CEACAM1: variants seen among roughly 807,000 people sequenced by gnomAD.
The protein encoded by CEACAM1 is CEA cell adhesion molecule 1.
A neutral mutation model predicts 49.1 loss-of-function variants in CEACAM1; 31 were observed. The ratio of observed to expected loss-of-function variants is 0.63; its 90% CI spans 0.47 to 0.85. The LOEUF (loss-of-function observed/expected upper bound fraction) is 0.85. Ranked by LOEUF, CEACAM1 falls within the 40% of genes least tolerant of loss-of-function variation. The pLI, the probability that CEACAM1 is intolerant of heterozygous loss-of-function variation, is 0.00. For missense variants in CEACAM1, 570 were observed against 645.3 expected (o/e 0.88, Z 1.26); for synonymous variants, 244 against 247.8 (o/e 0.98, Z 0.14).
intron 1 of CEACAM1, 57 bp downstream of exon 1, chr19:42,528,254 C>T (rs1265464448): frequency 6.6e-7 from 1 of 1,508,876 alleles, no homozygotes; most frequent in Non-Finnish European, 9.2e-7. Context: ...CCCAGAGGAC[C>T]CTAGCCATTC....
At chr19:42,520,237 C>T (rs1037663594) in intron 4 of CEACAM1, among the ~76,000 whole-genome samples, 3 of 152,260 alleles carry the variant, frequency 2.0e-5, no homozygotes, top group South Asian at 2.1e-4. Context: ...GTGGGTCACT[C>T]GCTGTGCTCT....
chr19:42,518,838 A>G (rs1030910132), intron 5 of CEACAM1, 110 bp downstream of exon 5: 12 of 1,266,140 alleles, frequency 9.5e-6, no homozygotes, highest in Admixed American at 1.7e-5. Flanking sequence ...TCTGTTTGCT[A>G]TAATGGTCTC....
At chr19:42,514,772 A>G (rs1480227165) in intron 5 of CEACAM1, among the ~76,000 whole-genome samples, 2 of 152,188 alleles carry the variant, frequency 1.3e-5, no homozygotes, top group African/African-American at 4.8e-5. Flanking sequence ...TTCCATTTTA[A>G]ACATGAAAAA....
chr19:42,510,994 G>T, intron 7 of CEACAM1, 74 bp from the exon 8 acceptor site: 1 of 1,416,478 alleles, frequency 7.1e-7, no homozygotes, highest in Non-Finnish European at 1.0e-6. Context: ...GCTGAAGGAG[G>T]TGGCAGTTGG....
Position 42,527,180 on chromosome 19 carries a change from G to A in CEACAM1, c.285C>T (p.Asn95=), listed in dbSNP as rs777289066. ...TGGGGTATATTGTCTCTCGACCGCT[G>A]TTTGCGGGCCCTGGGGTAGCTTGTT... ...GTQQATPGPA[N]SGRETIYPNA... Residue 95 remains asparagine, a synonymous_variant, in exon 2 of 9, where the codon AAC becomes AAT. Coordinates refer to ENST00000161559, the MANE Select transcript of CEACAM1 (RefSeq NM_001712.5). The A allele has an allele frequency of 6.2e-7, 1 of 1,614,178 alleles. No homozygotes were observed. Among genetic ancestry groups the A allele is most frequent in the East Asian group, 2.2e-5 (1 of 44,888 alleles).
Position 42,509,181 on chromosome 19 carries a change from G to C in CEACAM1, c.1509C>G (p.Pro503=). The change falls in exon 9 of 9, where the codon CCC becomes CCG. Residue 503 remains proline (P), a synonymous_variant. Coordinates refer to ENST00000161559, the MANE Select transcript of CEACAM1 (RefSeq NM_001712.5). ...YSTLNFEAQQ[P]TQPTSASPSL... ...ATGGGGAGGCTGAAGTTGGTTGTGTGGGTTGCTGGGCTTCAAAGTTCAGGG... is the reference window on the plus strand; with the variant it reads ...ATGGGGAGGCTGAAGTTGGTTGTGTCGGTTGCTGGGCTTCAAAGTTCAGGG... 1 of 1,613,898 alleles carries C rather than the reference G, an allele frequency of 6.2e-7. No individual in the cohort carries two copies. Among genetic ancestry groups the C allele is most frequent in the Non-Finnish European group, 8.5e-7 (1 of 1,179,854 alleles).
At position 42,528,297 on chromosome 19, in the gene CEACAM1, T is replaced by A. The variant is rs2041945209; in HGVS notation, c.64+14A>T. ...GCCCTCTTTCCGCCCCTTCCCAGGGTGTCCTCCCCTCACCTGTGAGCAGAA... is the reference window on the plus strand; with the variant it reads ...GCCCTCTTTCCGCCCCTTCCCAGGGAGTCCTCCCCTCACCTGTGAGCAGAA... On this transcript the variant is annotated intron_variant, in intron 1 of 8. Coordinates refer to ENST00000161559, the MANE Select transcript of CEACAM1 (RefSeq NM_001712.5). The A allele has an allele frequency of 3.1e-6, 5 of 1,611,164 alleles. No homozygotes were observed. The East Asian group carries it at 1.1e-4, about 36-fold the overall frequency.
At chr19:42,509,903 AG>A (rs775120030) in intron 8 of CEACAM1, among the ~76,000 whole-genome samples, 86 of 152,268 alleles carry the variant, frequency 5.6e-4, no homozygotes, top group African/African-American at 2.0e-3. Context: ...CTGGGATTAC[AG>A]GTGTGAGCCA....
chr19:42,527,186 G>C lies in CEACAM1; in HGVS notation c.279C>G (p.Pro93=). 1 of 1,614,140 alleles carries C rather than the reference G, an allele frequency of 6.2e-7. No individual in the cohort carries two copies. Among genetic ancestry groups the C allele is most frequent in the Non-Finnish European group, 8.5e-7 (1 of 1,180,028 alleles). ...AIGTQQATPG[P]ANSGRETIYP... ...ATATTGTCTCTCGACCGCTGTTTGC[G>C]GGCCCTGGGGTAGCTTGTTGAGTTC... Residue 93 remains proline (P), a synonymous_variant, in exon 2 of 9, where the codon CCC becomes CCG. Transcript: ENST00000161559.
chr19:42,517,011 G>T (rs1464673146), intron 5 of CEACAM1: 2 of 250,290 alleles, frequency 8.0e-6, no homozygotes, highest in Non-Finnish European at 1.6e-5. Flanking sequence ...AAAATATAGA[G>T]CCCAGAAAGA....
At chr19:42,522,257 A>G in intron 2 of CEACAM1, 55 bp from the exon 3 acceptor site, 1 of 1,583,224 alleles carries the variant, frequency 6.3e-7, no homozygotes, top group East Asian at 2.2e-5. Flanking sequence ...ATTCCTCCAC[A>G]GGCATTTTTC....
intron 5 of CEACAM1, chr19:42,516,694 A>G (rs1405167432): frequency 5.1e-6 from 1 of 194,966 alleles, no homozygotes; most frequent in Non-Finnish European, 1.1e-5. Flanking sequence ...AGCCAAAGCA[A>G]TCTTGAAAAA....
chr19:42,509,170 G>A lies in CEACAM1; in HGVS notation c.1520C>T (p.Thr507Ile), dbSNP rs1444955890. The change falls in exon 9 of 9, where the codon ACT becomes ATT. Residue 507 changes from threonine to isoleucine, a missense_variant. Transcript: ENST00000161559. ...GGCTGTTAGGGATGGGGAGGCTGAA[G>A]TTGGTTGTGTGGGTTGCTGGGCTTC... ...NFEAQQPTQP[T>I]SASPSLTATE... The A allele has an allele frequency of 6.2e-7, 1 of 1,614,032 alleles. No homozygotes were observed. The highest frequency in any genetic ancestry group is 1.3e-5 in the African/African-American group (1 of 74,936).
Position 42,522,819 on chromosome 19 carries a change from G to A in CEACAM1, c.425-617C>T, listed in dbSNP as rs557469842. ...TCTGCCCGCCTCGGCCTCCCAAAGT[G>A]CTGGGATTCCGTCCGGGCATTTTTC... is the stretch of plus-strand genomic sequence containing the variant. On this transcript the variant is annotated intron_variant, in intron 2 of 8. Coordinates refer to ENST00000161559, the MANE Select transcript of CEACAM1 (RefSeq NM_001712.5). 1.1e-3 allele frequency among the ~76,000 whole-genome samples: 174 copies of A among 152,260 alleles called. 1 individual carries two copies. The highest frequency in any genetic ancestry group is 4.1e-3 in the African/African-American group (170 of 41,534).
At position 42,510,905 on chromosome 19, in the gene CEACAM1, T is replaced by C. The variant is rs760661371; in HGVS notation, c.1445A>G (p.Asn482Ser). 1.2e-6 allele frequency: 2 copies of C among 1,614,036 alleles called. No homozygotes were observed. The highest frequency in any genetic ancestry group is 8.5e-7 in the Non-Finnish European group (1 of 1,179,892). The change falls in exon 8 of 9, where the codon AAT becomes AGT. Residue 482 changes from asparagine to serine, a missense_variant. Asn to Ser is a conservative substitution (Grantham distance 46). Transcript: ENST00000161559. ...TATGCTTACCTTGTTAGGTGGGTCATTGGAGTGGTCCTGAGCTGGAGAAGC... is the reference window on the plus strand; with the variant it reads ...TATGCTTACCTTGTTAGGTGGGTCACTGGAGTGGTCCTGAGCTGGAGAAGC... ...SVSNHTQDHS[N>S]DPPNKMNEVT...
chr19:42,515,322 A>G (rs1460904288), intron 5 of CEACAM1, among the ~76,000 whole-genome samples: 2 of 152,108 alleles, frequency 1.3e-5, no homozygotes, highest in Non-Finnish European at 2.9e-5. Context: ...TCACAGTGCA[A>G]TTTTCGGTTG....
intron 2 of CEACAM1, among the ~76,000 whole-genome samples, chr19:42,525,356 C>T (rs1276201727): frequency 6.6e-6 from 1 of 151,670 alleles, no homozygotes; most frequent in Admixed American, 6.6e-5. Flanking sequence ...TCCCAAGTAG[C>T]TGGGATTAGA....
At chr19:42,512,699 A>G (rs2041490225) in intron 5 of CEACAM1, among the ~76,000 whole-genome samples, 1 of 141,778 alleles carries the variant, frequency 7.1e-6, no homozygotes, top group Non-Finnish European at 1.5e-5. Flanking sequence ...TTTTTTTGAG[A>G]CAGAGTCTTG....
chr19:42,518,103 C>T (rs2041643183), intron 5 of CEACAM1, among the ~76,000 whole-genome samples: 1 of 152,182 alleles, frequency 6.6e-6, no homozygotes, highest in Admixed American at 6.5e-5. Flanking sequence ...ATATTGCATG[C>T]TTCCATCTGT....
Sources: allele counts gnomAD v4.1 joint callset (sites outside exome capture counted in the v4.1 genomes callset), GRCh38; gene constraint gnomAD v4.1.1; transcripts MANE v1.5; gene names NCBI Gene and HGNC (gene_info 2026-07-23, HGNC 2026-07-21).